Variants in GCNT2 observed in about 807,000 individuals in gnomAD.
GCNT2 encodes glucosaminyl (N-acetyl) transferase 2 (I blood group).
GCNT2 carries 34 observed loss-of-function variants against 34.2 expected under a neutral mutation model. That is an observed-to-expected ratio of 1.00 (90% CI 0.76 to 1.32). GCNT2 has a LOEUF of 1.32. Among genes scored for constraint, GCNT2 ranks in the 40% most tolerant of loss-of-function variants. The pLI, the probability that GCNT2 is intolerant of heterozygous loss-of-function variation, is 0.00. For synonymous variants in GCNT2, 212 were observed against 188.0 expected, an observed-to-expected ratio of 1.13 and a Z score of -1.04; for missense variants, 584 against 489.4, an observed-to-expected ratio of 1.19 and a Z score of -1.82.
chr6:10,613,267 T>G (rs1038012322), intron 3 of GCNT2, among the ~76,000 whole-genome samples: 3 of 152,188 alleles, frequency 2.0e-5, no homozygotes, highest in Non-Finnish European at 4.4e-5. Flanking sequence ...AGAAAAACAT[T>G]CCTGGTTACT....
chr6:10,628,109 A>G lies in GCNT2; in HGVS notation c.*1502A>G, dbSNP rs1766345190. 1 of 152,562 alleles carries G rather than the reference A, an allele frequency of 6.6e-6. No homozygotes were observed. The highest frequency in any genetic ancestry group is 2.1e-4 in the South Asian group (1 of 4,824). The allele number at this position is 152,562 out of a possible 1,614,324, so 9.5% of individuals were successfully genotyped here. ...CTTCTCAGTTCATTTCCTGAGGTGGATTTACTGAGAGAAGGTGAAATAAAG... is the reference window on the plus strand; with the variant it reads ...CTTCTCAGTTCATTTCCTGAGGTGGGTTTACTGAGAGAAGGTGAAATAAAG... On this transcript the variant is annotated 3_prime_UTR_variant, in exon 5 of 5. Transcript: ENST00000495262.
chr6:10,619,181 A>C, intron 3 of GCNT2: 1 of 152,176 alleles, frequency 6.6e-6, no homozygotes, highest in Non-Finnish European at 1.5e-5. Context: ...TGTCTTAAGT[A>C]GCTTTTTTCT....
intron 3 of GCNT2, chr6:10,555,957 A>C: frequency 9.7e-7 from 1 of 1,029,142 alleles, no homozygotes; most frequent in Non-Finnish European, 1.2e-6. Context: ...CTAGGGGACT[A>C]GCAGGAAGCG....
intron 4 of GCNT2, among the ~76,000 whole-genome samples, chr6:10,622,842 C>T (rs1011652321): frequency 6.7e-6 from 1 of 150,224 alleles, no homozygotes; most frequent in African/African-American, 2.5e-5. Flanking sequence ...GCAACCTCCA[C>T]CACCCAGGTT....
intron 3 of GCNT2, among the ~76,000 whole-genome samples, chr6:10,595,993 T>C (rs768217393): frequency 1.1e-4 from 17 of 152,214 alleles, no homozygotes; most frequent in Non-Finnish European, 2.1e-4. Flanking sequence ...CATAAATAAG[T>C]AGCTTCCTCT....
In GCNT2 at chr6:10,600,169, G is replaced by T. The variant is rs112829071; in HGVS notation, c.926-21182G>T. Among the ~76,000 whole-genome samples the T allele has an allele frequency of 1.5e-3, 235 of 152,210 alleles. 1 individual carries two copies. The highest frequency in any genetic ancestry group is 0.014 in the South Asian group (66 of 4,816). The stretch of plus-strand genomic sequence containing the variant: ...TCTTTCTGAAATGTCATAGATATCT[G>T]AGCAAAGGGGCAGTATGAATATTTT... On this transcript the variant is annotated intron_variant, in intron 3 of 4. Coordinates refer to ENST00000495262, the MANE Select transcript of GCNT2 (RefSeq NM_145649.5).
At chr6:10,576,861 G>A (rs921502014) in intron 3 of GCNT2, among the ~76,000 whole-genome samples, 1 of 152,074 alleles carries the variant, frequency 6.6e-6, no homozygotes, top group African/African-American at 2.4e-5. Context: ...ATCACTTGAG[G>A]CCAAGAGTTC....
intron 2 of GCNT2, 133 bp downstream of exon 2, chr6:10,527,793 G>A (rs993501932): frequency 2.0e-5 from 3 of 152,046 alleles, no homozygotes; most frequent in African/African-American, 7.2e-5. Flanking sequence ...TCCTGGACAC[G>A]GCGATGGACT....
intron 4 of GCNT2, among the ~76,000 whole-genome samples, chr6:10,622,302 G>A (rs544264365): frequency 1.3e-5 from 2 of 152,278 alleles, no homozygotes; most frequent in East Asian, 3.9e-4. Context: ...CAGACTGGGT[G>A]CTTAATAGAA....
At chr6:10,526,364 T>C (rs1424519533) in intron 1 of GCNT2, among the ~76,000 whole-genome samples, 4 of 152,182 alleles carry the variant, frequency 2.6e-5, no homozygotes, top group Non-Finnish European at 5.9e-5. Flanking sequence ...TCATTTCCTG[T>C]GTTCCTGACA....
intron 3 of GCNT2, chr6:10,557,284 G>A: frequency 6.2e-7 from 1 of 1,613,670 alleles, no homozygotes; most frequent in Non-Finnish European, 8.5e-7. Flanking sequence ...TGCTCCAGTG[G>A]TCCAAGGACA....
chr6:10,557,570 C>G (rs1171162232), intron 3 of GCNT2, among the ~76,000 whole-genome samples: 7 of 151,882 alleles, frequency 4.6e-5, no homozygotes, highest in African/African-American at 1.7e-4. Flanking sequence ...TCACTGAACC[C>G]TGGACCTCCT....
At chr6:10,581,976 ACACACT>A in intron 3 of GCNT2, 1 of 324,298 alleles carries the variant, frequency 3.1e-6, no homozygotes, top group Non-Finnish European at 4.4e-6. Context: ...ATATATATAC[ACACACT>A]TATATGTATA....
chr6:10,568,957 T>A (rs1763404505), intron 3 of GCNT2, among the ~76,000 whole-genome samples: 1 of 152,118 alleles, frequency 6.6e-6, no homozygotes, highest in Admixed American at 6.6e-5. Flanking sequence ...TTTATACCTT[T>A]ATAAACCTCT....
At chr6:10,610,192 A>G (rs1765488747) in intron 3 of GCNT2, among the ~76,000 whole-genome samples, 1 of 152,220 alleles carries the variant, frequency 6.6e-6, no homozygotes, top group African/African-American at 2.4e-5. Flanking sequence ...CTGCTGGTAG[A>G]TTGGAAATCC....
chr6:10,559,206 C>T (rs1035454663), intron 3 of GCNT2, among the ~76,000 whole-genome samples: 5 of 151,962 alleles, frequency 3.3e-5, no homozygotes, highest in African/African-American at 9.7e-5. Context: ...AAAAGAATTC[C>T]CCTTTTTTCC....
intron 3 of GCNT2, among the ~76,000 whole-genome samples, chr6:10,571,435 T>G (rs969248928): frequency 1.3e-5 from 2 of 152,132 alleles, no homozygotes; most frequent in Admixed American, 6.5e-5. Flanking sequence ...CACTGCAACC[T>G]CCGCCTCCCA....
rs1013866598 is a variant in GCNT2 at position 10,625,722 on chromosome 6, T to C, written c.1019-695T>C. Among the ~76,000 whole-genome samples the C allele has an allele frequency of 4.6e-5, 7 of 152,186 alleles. 1 individual carries two copies. In the East Asian group the frequency reaches 1.2e-3, roughly 25 times the overall value. On this transcript the variant is annotated intron_variant, in intron 4 of 4. Coordinates refer to ENST00000495262, the MANE Select transcript of GCNT2 (RefSeq NM_145649.5). ...ATTTAGTAATACCGTAGGCCCCCCTTATCCACGGGGGGATACATTTCAAGA... is the reference window on the plus strand; with the variant it reads ...ATTTAGTAATACCGTAGGCCCCCCTCATCCACGGGGGGATACATTTCAAGA...
chr6:10,588,028 C>T (rs1764434433), intron 3 of GCNT2, among the ~76,000 whole-genome samples: 1 of 152,244 alleles, frequency 6.6e-6, no homozygotes, highest in Non-Finnish European at 1.5e-5. Context: ...GAAGCCACCT[C>T]TTGCCTGAAA....
Sources: gnomAD v4.1 joint callset for allele counts (sites outside exome capture counted in the v4.1 genomes callset) on GRCh38, gnomAD v4.1.1 for gene constraint, MANE v1.5 for transcripts, NCBI Gene and HGNC (gene_info 2026-07-23, HGNC 2026-07-21) for gene names.